The following ALB variants were observed in gnomAD, a reference collection of about 807,000 sequenced individuals.
The protein encoded by ALB is serum albumin.
ALB carries 37 observed loss-of-function variants against 74.5 expected under a neutral mutation model. That is an observed-to-expected ratio of 0.50 (90% CI 0.38 to 0.65). The LOEUF is 0.65. Ranked by LOEUF, ALB falls within the 30% of genes least tolerant of loss-of-function variation. ALB has a pLI of 0.00. For synonymous variants in ALB, 249 were observed against 251.6 expected (o/e 0.99, Z 0.10); for missense variants, 685 against 718.7 (o/e 0.95, Z 0.54).
chr4:73,421,425 A>C lies in ALB; in HGVS notation c.*357A>C, dbSNP rs1719140432. 1 of 221,374 alleles carries C rather than the reference A, an allele frequency of 4.5e-6. No homozygotes were observed. The highest frequency in any genetic ancestry group is 2.2e-5 in the African/African-American group (1 of 44,512). The allele number at this position is 221,374 out of a possible 1,614,324, so 13.7% of individuals were successfully genotyped here. A position where few individuals can be genotyped will look rare whatever the true frequency, so the allele number is the denominator to read the frequency against. ...AATACTCTTCTAAGTTATGGATTAT[A>C]AACATTCAAAATAATATTTTGACAT... On this transcript the variant is annotated 3_prime_UTR_variant, in exon 15 of 15. Coordinates refer to ENST00000295897, the MANE Select transcript of ALB (RefSeq NM_000477.7).
At position 73,413,436 on chromosome 4, in the gene ALB, A is replaced by G; in HGVS notation, c.860A>G (p.Tyr287Cys). 1.9e-6 allele frequency: 3 copies of G among 1,614,066 alleles called. No homozygotes were observed. The highest frequency in any genetic ancestry group is 2.5e-6 in the Non-Finnish European group (3 of 1,179,890). ...TACTTATAGGCGGACCTTGCCAAGTATATCTGTGAAAATCAAGATTCGATC... is the reference window on the plus strand; with the variant it reads ...TACTTATAGGCGGACCTTGCCAAGTGTATCTGTGAAAATCAAGATTCGATC... ...CADDRADLAK[Y>C]ICENQDSISS... The change falls in exon 8 of 15, where the codon TAT (tyrosine) becomes TGT (cysteine). Residue 287 changes from tyrosine (Y) to cysteine (C), a missense_variant. Tyr to Cys is a radical substitution (Grantham distance 194, BLOSUM62 -2). Transcript: ENST00000295897.
intron 10 of ALB, among the ~76,000 whole-genome samples, chr4:73,416,799 G>A (rs1232873911): frequency 2.0e-5 from 3 of 152,136 alleles, no homozygotes; most frequent in Admixed American, 6.6e-5. Flanking sequence ...AGGTTGTTTG[G>A]GAGATGCACC....
chr4:73,416,472 T>C (rs1719017674), intron 10 of ALB, 119 bp downstream of exon 10: 1 of 771,430 alleles, frequency 1.3e-6, no homozygotes, highest in Non-Finnish European at 2.2e-6. Context: ...TTCTAATCAC[T>C]CTTTGTCAAG....
Position 73,416,357 on chromosome 4 carries a change from A to T in ALB, c.1289+4A>T, listed in dbSNP as rs772156824. On this transcript the variant is annotated splice_donor_region_variant and intron_variant, in intron 10 of 14. Transcript: ENST00000295897. ...GAGAGTACAAATTCCAGAATGCGTA[A>T]GTAATTTTTATTGACTGATTTTTTT... 3 of 1,606,722 alleles carry T rather than the reference A, an allele frequency of 1.9e-6. No individual in the cohort carries two copies. Among genetic ancestry groups the T allele is most frequent in the Non-Finnish European group, 2.6e-6 (3 of 1,175,118 alleles).
intron 10 of ALB, 127 bp from the exon 11 acceptor site, chr4:73,417,404 G>A (rs1012977456): frequency 4.7e-4 from 582 of 1,234,622 alleles, no homozygotes; most frequent in Non-Finnish European, 6.5e-4. Flanking sequence ...CTACTCTGCA[G>A]ATGGAGATAA....
rs80267935 is a variant in ALB at position 73,409,352 on chromosome 4, T to C, written c.483-3T>C. 6.2e-7 allele frequency: 1 copy of C among 1,613,300 alleles called. No individual in the cohort carries two copies. The highest frequency in any genetic ancestry group is 2.2e-5 in the East Asian group (1 of 44,872). On this transcript the variant is annotated splice_polypyrimidine_tract_variant and splice_region_variant and intron_variant, in intron 4 of 14. Coordinates refer to ENST00000295897, the MANE Select transcript of ALB (RefSeq NM_000477.7). ...GTGACTGTTTTTCTTTTTCAAAATT[T>C]AGATACTTATATGAAATTGCCAGAA...
chr4:73,411,068 A>T (rs1315474771), intron 6 of ALB, among the ~76,000 whole-genome samples: 1 of 152,170 alleles, frequency 6.6e-6, no homozygotes, highest in Non-Finnish European at 1.5e-5. Flanking sequence ...GTCAAGAAAA[A>T]TACTAGCTGC....
At chr4:73,412,235 G>A in intron 7 of ALB, 110 bp downstream of exon 7, 14 of 1,341,400 alleles carry the variant, frequency 1.0e-5, no homozygotes, top group Non-Finnish European at 1.5e-5. Flanking sequence ...TGTCTTCTGT[G>A]CTTTCGTCTG....
Position 73,404,372 on chromosome 4 carries a change from G to T in ALB, c.45G>T (p.Ser15=), listed in dbSNP as rs754121705. Residue 15 remains serine (S), a synonymous_variant, in exon 1 of 15, where the codon TCG becomes TCT. Coordinates refer to ENST00000295897, the MANE Select transcript of ALB (RefSeq NM_000477.7). ...TTTCCCTTCTTTTTCTCTTTAGCTCGGCTTATTCCAGGGGTGTGTTTCGTC... is the reference window on the plus strand; with the variant it reads ...TTTCCCTTCTTTTTCTCTTTAGCTCTGCTTATTCCAGGGGTGTGTTTCGTC... ...TFISLLFLFS[S]AYSRGVFRRD... is the part of the protein sequence containing the mutation. 1 of 1,613,620 alleles carries T rather than the reference G, an allele frequency of 6.2e-7. No individual in the cohort carries two copies. Among genetic ancestry groups the T allele is most frequent in the Admixed American group, 1.7e-5 (1 of 60,000 alleles).
chr4:73,414,409 T>C (rs993884443), intron 8 of ALB, among the ~76,000 whole-genome samples: 8 of 152,188 alleles, frequency 5.3e-5, no homozygotes, highest in African/African-American at 1.9e-4. Context: ...TGCCAAGCAG[T>C]GTGTGCTTTG....
rs3204504 is a variant in ALB, at chr4:73,410,340, C to T, written c.644C>T (p.Ala215Val). The change falls in exon 6 of 15, where the codon GCT (alanine) becomes GTT (valine). Residue 215 changes from alanine to valine, a missense_variant. Transcript: ENST00000295897. ...GATGAACTTCGGGATGAAGGGAAGG[C>T]TTCGTCTGCCAAACAGAGACTCAAG... ...KLDELRDEGK[A>V]SSAKQRLKCA... 1 of 1,613,776 alleles carries T rather than the reference C, an allele frequency of 6.2e-7. No individual in the cohort carries two copies. Among genetic ancestry groups the T allele is most frequent in the Non-Finnish European group, 8.5e-7 (1 of 1,179,750 alleles).
chr4:73,415,838 C>T (rs983342474), intron 9 of ALB, among the ~76,000 whole-genome samples: 3 of 152,176 alleles, frequency 2.0e-5, no homozygotes, highest in Admixed American at 2.0e-4. Flanking sequence ...TATGTACAAT[C>T]ATAGCCATCA....
Position 73,413,476 on chromosome 4 carries a change from G to C in ALB, c.900G>C (p.Lys300Asn), listed in dbSNP as rs74718349. 1.9e-6 allele frequency: 3 copies of C among 1,614,010 alleles called. No individual in the cohort carries two copies. The highest frequency in any genetic ancestry group is 2.5e-6 in the Non-Finnish European group (3 of 1,180,016). The change falls in exon 8 of 15, where the codon AAG becomes AAC. Residue 300 changes from lysine (K) to asparagine (N), a missense_variant. Lys to Asn is a moderately conservative substitution (Grantham distance 94). Transcript: ENST00000295897. ...ENQDSISSKL[K>N]ECCEKPLLEK... The stretch of plus-strand genomic sequence containing the variant: ...AAGATTCGATCTCCAGTAAACTGAA[G>C]GAATGCTGTGAAAAACCTCTGTTGG...
At chr4:73,415,600 G>T (rs1034710108) in intron 9 of ALB, among the ~76,000 whole-genome samples, 110 of 152,154 alleles carry the variant, frequency 7.2e-4, no homozygotes, top group African/African-American at 2.4e-3. Flanking sequence ...TTTAGGAATA[G>T]TTTTACAAGA....
chr4:73,404,827 T>C (rs2149326592), intron 1 of ALB: 2 of 388,590 alleles, frequency 5.1e-6, no homozygotes, highest in Middle Eastern at 1.6e-3. Context: ...GTCTTCTTGG[T>C]TGCTGTTGAT....
chr4:73,405,939 A>G (rs1718715275), intron 2 of ALB, among the ~76,000 whole-genome samples: 1 of 151,962 alleles, frequency 6.6e-6, no homozygotes, highest in Non-Finnish European at 1.5e-5. Flanking sequence ...TTTTTTTAAA[A>G]GTCTACCTAA....
chr4:73,406,820 C>T, intron 3 of ALB, 59 bp downstream of exon 3: 1 of 1,596,516 alleles, frequency 6.3e-7, no homozygotes, highest in Admixed American at 1.7e-5. Flanking sequence ...CCAAGCATTT[C>T]AAAGGAATTT....
At position 73,421,137 on chromosome 4, in the gene ALB, T is replaced by C. The variant is rs889417814; in HGVS notation, c.*69T>C. ...AAGAAAATGAAGATCAAAAGCTTATTCATCTGTTTTTCTTTTTCGTTGGTG... is the reference window on the plus strand; with the variant it reads ...AAGAAAATGAAGATCAAAAGCTTATCCATCTGTTTTTCTTTTTCGTTGGTG... On this transcript the variant is annotated 3_prime_UTR_variant, in exon 15 of 15. Coordinates refer to ENST00000295897, the MANE Select transcript of ALB (RefSeq NM_000477.7). 1 of 695,918 alleles carries C rather than the reference T, an allele frequency of 1.4e-6. No individual in the cohort carries two copies. Among genetic ancestry groups the C allele is most frequent in the African/African-American group, 1.8e-5 (1 of 56,794 alleles). 43.1% of individuals were successfully genotyped at this position (695,918 alleles called of 1,614,324 possible). A position where few individuals can be genotyped will look rare whatever the true frequency, so the allele number is the denominator to read the frequency against.
intron 7 of ALB, 39 bp downstream of exon 7, chr4:73,412,164 C>T (rs1186690140): frequency 6.2e-7 from 1 of 1,612,856 alleles, no homozygotes; most frequent in East Asian, 2.2e-5. Context: ...AGCTTGCATG[C>T]TCAAGTTGGT....
Sources: allele counts gnomAD v4.1 joint callset (sites outside exome capture counted in the v4.1 genomes callset), GRCh38; gene constraint gnomAD v4.1.1; transcripts MANE v1.5; gene names NCBI Gene and HGNC (gene_info 2026-07-23, HGNC 2026-07-21).